The following TACR3 variants were observed in gnomAD, a reference collection of about 807,000 sequenced individuals.
TACR3 encodes the protein tachykinin receptor 3, also known as neuromedin-K receptor.
Under a neutral mutation model 35.0 loss-of-function variants are expected in TACR3, and 34 were observed. That is an observed-to-expected ratio of 0.97 (90% CI 0.74 to 1.30). The LOEUF (loss-of-function observed/expected upper bound fraction) is 1.30, where lower values mean the gene tolerates loss of function less well. Ranked by LOEUF, TACR3 falls within the 50% of genes most tolerant of loss-of-function variation. The probability of loss-of-function intolerance (pLI) is 0.00; values close to 1 mark genes in which losing one functional copy is unlikely to be tolerated. For synonymous variants in TACR3, 233 were observed against 221.1 expected (o/e 1.05, Z -0.48); for missense variants, 558 against 591.7 (o/e 0.94, Z 0.59).
Position 103,656,012 on chromosome 4 carries a change from T to C in TACR3, c.888+182A>G, listed in dbSNP as rs559577124. Among the ~76,000 whole-genome samples, 25 of 152,098 alleles carry C rather than the reference T, an allele frequency of 1.6e-4. No individual in the cohort carries two copies. In the South Asian group the frequency reaches 5.2e-3, roughly 32 times the overall value. ...AATTAACTATTATATAACAGACTGA[T>C]TACAGTATGTGGACAGCAGCTTATA... On this transcript the variant is annotated intron_variant, in intron 3 of 4. Transcript: ENST00000304883.
chr4:103,689,093 C>T lies in TACR3; in HGVS notation c.548+30035G>A, dbSNP rs1722330670. On this transcript the variant is annotated intron_variant, in intron 1 of 4. Transcript: ENST00000304883. ...CATAAAAAAATGATGAGTTCATGTC[C>T]TTTGTAGGGACATGGATGAAATTGG... Among the ~76,000 whole-genome samples the T allele has an allele frequency of 2.0e-5, 3 of 151,852 alleles. No homozygotes were observed. In the South Asian group the frequency reaches 6.2e-4, roughly 32 times the overall value.
chr4:103,704,663 C>G (rs1052460197), intron 1 of TACR3, among the ~76,000 whole-genome samples: 1 of 152,154 alleles, frequency 6.6e-6, no homozygotes, highest in Non-Finnish European at 1.5e-5. Context: ...TCACCTCATA[C>G]CTGGTTCCTC....
At chr4:103,648,664 C>T (rs1725511905) in intron 3 of TACR3, among the ~76,000 whole-genome samples, 1 of 152,110 alleles carries the variant, frequency 6.6e-6, no homozygotes, top group South Asian at 2.1e-4. Context: ...ATATGTACCA[C>T]ATTTGCTTTA....
intron 3 of TACR3, among the ~76,000 whole-genome samples, chr4:103,619,888 C>G (rs1201099937): frequency 6.6e-6 from 1 of 152,046 alleles, no homozygotes. Flanking sequence ...CAAAAACTTG[C>G]TAAGTTGATA....
In TACR3 at chr4:103,704,105, C is replaced by CAAAAAAAAAAA. The variant is rs59034473; in HGVS notation, c.548+15012_548+15022dup. ...GGCAACAGAGTGAAACTCTATCTCACAAAAAAAAAAAAAAAAAAAAAAAAA... is the reference window on the plus strand; with the variant it reads ...GGCAACAGAGTGAAACTCTATCTCACAAAAAAAAAAAAAAAAAAAAAAAAAAAAAAAAAAAA... On this transcript the variant is annotated intron_variant, in intron 1 of 4. Coordinates refer to ENST00000304883, the MANE Select transcript of TACR3 (RefSeq NM_001059.3). Among the ~76,000 whole-genome samples the CAAAAAAAAAAA allele has an allele frequency of 9.4e-3, 610 of 64,592 alleles. 1 individual carries two copies. The highest frequency in any genetic ancestry group is 0.024 in the Middle Eastern group (1 of 42). The allele number at this position is 64,592 out of a possible 152,430, so 42.4% of individuals were successfully genotyped here.
intron 1 of TACR3, among the ~76,000 whole-genome samples, chr4:103,659,154 C>T (rs574332203): frequency 6.6e-6 from 1 of 152,266 alleles, no homozygotes; most frequent in East Asian, 1.9e-4. Flanking sequence ...AGCTTCTTAG[C>T]TCACCAGCCA....
intron 3 of TACR3, among the ~76,000 whole-genome samples, chr4:103,643,467 C>T (rs1725400149): frequency 6.6e-6 from 1 of 151,174 alleles, no homozygotes; most frequent in Admixed American, 6.6e-5. Flanking sequence ...TACAGATTGC[C>T]TAAGGGTAGC....
intron 1 of TACR3, among the ~76,000 whole-genome samples, chr4:103,687,866 A>G (rs1463466628): frequency 6.6e-5 from 10 of 152,142 alleles, no homozygotes; most frequent in Non-Finnish European, 4.4e-5. Context: ...CAAGCTACCA[A>G]TGACTTTCTT....
At chr4:103,647,736 G>A (rs967373189) in intron 3 of TACR3, among the ~76,000 whole-genome samples, 1 of 151,840 alleles carries the variant, frequency 6.6e-6, no homozygotes, top group Non-Finnish European at 1.5e-5. Flanking sequence ...TAATGGTAAG[G>A]AAACATTTTT....
At chr4:103,697,513 C>T (rs577193554) in intron 1 of TACR3, among the ~76,000 whole-genome samples, 1 of 152,072 alleles carries the variant, frequency 6.6e-6, no homozygotes, top group Admixed American at 6.5e-5. Flanking sequence ...CAAGCTTCGC[C>T]TCCCGGGTTC....
chr4:103,634,951 AAAT>A (rs1745505528), intron 3 of TACR3, among the ~76,000 whole-genome samples: 1 of 152,052 alleles, frequency 6.6e-6, no homozygotes, highest in African/African-American at 2.4e-5. Flanking sequence ...GTGTAAAATA[AAAT>A]AATGTGTAGG....
intron 3 of TACR3, among the ~76,000 whole-genome samples, chr4:103,607,836 G>A (rs988065225): frequency 3.9e-5 from 6 of 152,052 alleles, no homozygotes; most frequent in African/African-American, 1.4e-4. Flanking sequence ...GCAGTGTTTG[G>A]CAAGAAAACT....
At chr4:103,677,386 C>A (rs1213639564) in intron 1 of TACR3, among the ~76,000 whole-genome samples, 1 of 152,066 alleles carries the variant, frequency 6.6e-6, no homozygotes, top group Non-Finnish European at 1.5e-5. Flanking sequence ...ATAAATCATT[C>A]TATTATAAGG....
intron 3 of TACR3, among the ~76,000 whole-genome samples, chr4:103,597,171 T>C (rs9683816): frequency 0.57 from 74,286 of 131,202 alleles, 22,219 homozygotes; most frequent in Non-Finnish European, 0.63. Flanking sequence ...CCTGAGGAAT[T>C]GCCACACTGA....
intron 1 of TACR3, among the ~76,000 whole-genome samples, chr4:103,703,698 G>C (rs1328031871): frequency 6.6e-6 from 1 of 152,098 alleles, no homozygotes; most frequent in Non-Finnish European, 1.5e-5. Flanking sequence ...ATGAGGCATA[G>C]GGAAGAAAGG....
chr4:103,625,687 G>A (rs766408268), intron 3 of TACR3, among the ~76,000 whole-genome samples: 79 of 152,000 alleles, frequency 5.2e-4, no homozygotes, highest in African/African-American at 1.6e-3. Flanking sequence ...GGAAGCTCCC[G>A]GAATCTATGA....
intron 3 of TACR3, among the ~76,000 whole-genome samples, chr4:103,600,990 G>T (rs1724185433): frequency 6.6e-6 from 1 of 152,144 alleles, no homozygotes; most frequent in Non-Finnish European, 1.5e-5. Flanking sequence ...TTTGTGCAGA[G>T]CTGAGTTCAA....
At chr4:103,652,064 T>C (rs1578243817) in intron 3 of TACR3, among the ~76,000 whole-genome samples, 1 of 151,836 alleles carries the variant, frequency 6.6e-6, no homozygotes, top group Non-Finnish European at 1.5e-5. Context: ...TGTGGGGAGG[T>C]GGTACATGCA....
chr4:103,717,402 T>C (rs923423163), intron 1 of TACR3, among the ~76,000 whole-genome samples: 1 of 152,122 alleles, frequency 6.6e-6, no homozygotes, highest in Non-Finnish European at 1.5e-5. Context: ...TAAAGATTAA[T>C]AGTAAAGTAT....
Sources: allele counts gnomAD v4.1 joint callset (sites outside exome capture counted in the v4.1 genomes callset), GRCh38; gene constraint gnomAD v4.1.1; transcripts MANE v1.5; gene names NCBI Gene and HGNC (gene_info 2026-07-23, HGNC 2026-07-21).